SLC9A9: variants seen among roughly 807,000 people sequenced by gnomAD.
The protein encoded by SLC9A9 is solute carrier family 9 member A9.
A neutral mutation model predicts 77.8 loss-of-function variants in SLC9A9; 62 were observed. That is an observed-to-expected ratio of 0.80 (90% confidence interval 0.65 to 0.98). SLC9A9 has a LOEUF of 0.98. Ranked by LOEUF, SLC9A9 falls within the 50% of genes least tolerant of loss-of-function variation. SLC9A9 has a pLI of 0.00. For missense variants in SLC9A9, 775 were observed against 774.9 expected, an observed-to-expected ratio of 1.00 and a Z score of 0.00; for synonymous variants, 320 against 283.5, an observed-to-expected ratio of 1.13 and a Z score of -1.29.
intron 4 of SLC9A9, among the ~76,000 whole-genome samples, chr3:143,723,241 A>C (rs531125382): frequency 6.6e-6 from 1 of 152,128 alleles, no homozygotes; most frequent in Non-Finnish European, 1.5e-5. Flanking sequence ...AAATCAACAA[A>C]CCAATAAGCA....
At chr3:143,406,660 A>G (rs952009572) in intron 12 of SLC9A9, among the ~76,000 whole-genome samples, 1 of 152,150 alleles carries the variant, frequency 6.6e-6, no homozygotes, top group African/African-American at 2.4e-5. Flanking sequence ...ATCATTACTC[A>G]TTATTCCCAA....
chr3:143,450,957 A>G (rs2108556055), intron 12 of SLC9A9, among the ~76,000 whole-genome samples: 1 of 152,310 alleles, frequency 6.6e-6, no homozygotes, highest in African/African-American at 2.4e-5. Flanking sequence ...ATGCCGGAGA[A>G]GAAGAGAGAA....
chr3:143,312,743 T>G (rs893497687), intron 14 of SLC9A9, among the ~76,000 whole-genome samples: 1 of 152,226 alleles, frequency 6.6e-6, no homozygotes, highest in Non-Finnish European at 1.5e-5. Flanking sequence ...TCAGCACAGC[T>G]GATCACTATT....
chr3:143,449,020 TA>T lies in SLC9A9; in HGVS notation c.1469+18016del, dbSNP rs374513229. ...TATATAATTATATAAAATATAATTATAATTATATAATTATATAAAATATAAT... is the reference window on the plus strand; with the variant it reads ...TATATAATTATATAAAATATAATTATATTATATAATTATATAAAATATAAT... On this transcript the variant is annotated intron_variant, in intron 12 of 15. Coordinates refer to ENST00000316549, the MANE Select transcript of SLC9A9 (RefSeq NM_173653.4). 6.0e-3 allele frequency among the ~76,000 whole-genome samples: 27 copies of T among 4,476 alleles called. 11 individuals carry two copies. The highest frequency in any genetic ancestry group is 0.048 in the African/African-American group (25 of 522). 2.9% of individuals were successfully genotyped at this position (4,476 alleles called of 152,430 possible). A position where few individuals can be genotyped will look rare whatever the true frequency, so the allele number is the denominator to read the frequency against.
At chr3:143,838,786 A>G (rs2009636731) in intron 1 of SLC9A9, among the ~76,000 whole-genome samples, 1 of 152,228 alleles carries the variant, frequency 6.6e-6, no homozygotes. Context: ...AGGGATTCAA[A>G]TGTGAGCATA....
At chr3:143,294,321 C>T (rs887271716) in intron 14 of SLC9A9, among the ~76,000 whole-genome samples, 25 of 152,146 alleles carry the variant, frequency 1.6e-4, no homozygotes, top group African/African-American at 5.6e-4. Context: ...GAAGGGGGAG[C>T]GGTTTAGGAG....
At chr3:143,593,032 T>C (rs566304873) in intron 6 of SLC9A9, among the ~76,000 whole-genome samples, 3 of 152,268 alleles carry the variant, frequency 2.0e-5, no homozygotes, top group Admixed American at 6.5e-5. Context: ...GGAATGCATA[T>C]TCCTTTGTCT....
At chr3:143,368,581 A>C (rs956607313) in intron 13 of SLC9A9, among the ~76,000 whole-genome samples, 21 of 152,320 alleles carry the variant, frequency 1.4e-4, no homozygotes, top group Non-Finnish European at 2.4e-4. Context: ...ATTCAATATT[A>C]ATGTCAGTGG....
chr3:143,834,422 TA>T (rs768336531), intron 1 of SLC9A9, among the ~76,000 whole-genome samples: 1 of 152,144 alleles, frequency 6.6e-6, no homozygotes, highest in South Asian at 2.1e-4. Flanking sequence ...ATTTAATTCC[TA>T]AAAGTTATTC....
At chr3:143,577,323 T>G (rs2037375270) in intron 7 of SLC9A9, among the ~76,000 whole-genome samples, 1 of 152,122 alleles carries the variant, frequency 6.6e-6, no homozygotes, top group Admixed American at 6.6e-5. Context: ...GCCACATTGG[T>G]CCCACTGCCA....
chr3:143,677,522 G>A (rs1409739980), intron 5 of SLC9A9, among the ~76,000 whole-genome samples: 1 of 152,128 alleles, frequency 6.6e-6, no homozygotes, highest in Admixed American at 6.5e-5. Context: ...AGCCTCCCAG[G>A]AGTCAGATTG....
At chr3:143,635,115 A>G (rs948554408) in intron 6 of SLC9A9, among the ~76,000 whole-genome samples, 6 of 152,166 alleles carry the variant, frequency 3.9e-5, no homozygotes, top group Non-Finnish European at 8.8e-5. Context: ...TCCACGTGGT[A>G]TCAGCTGGGG....
At chr3:143,505,358 T>C (rs563787186) in intron 9 of SLC9A9, among the ~76,000 whole-genome samples, 4 of 152,316 alleles carry the variant, frequency 2.6e-5, no homozygotes, top group African/African-American at 9.6e-5. Context: ...TGCCCTACAG[T>C]AACATGATAA....
chr3:143,415,309 C>T (rs546554384), intron 12 of SLC9A9, among the ~76,000 whole-genome samples: 29 of 152,272 alleles, frequency 1.9e-4, no homozygotes, highest in African/African-American at 3.1e-4. Flanking sequence ...AACGGTCTTA[C>T]GTTGGAAAAA....
At chr3:143,495,817 A>T (rs973456688) in intron 9 of SLC9A9, among the ~76,000 whole-genome samples, 1 of 152,238 alleles carries the variant, frequency 6.6e-6, no homozygotes, top group African/African-American at 2.4e-5. Context: ...AAGATTGTTT[A>T]ACCTCTGTGC....
At chr3:143,632,639 A>C (rs1171997087) in intron 6 of SLC9A9, among the ~76,000 whole-genome samples, 1 of 152,210 alleles carries the variant, frequency 6.6e-6, no homozygotes, top group Non-Finnish European at 1.5e-5. Flanking sequence ...ATATAAATTG[A>C]ATACCTCTTG....
At chr3:143,640,359 C>T (rs1576628190) in intron 6 of SLC9A9, among the ~76,000 whole-genome samples, 1 of 152,072 alleles carries the variant, frequency 6.6e-6, no homozygotes, top group African/African-American at 2.4e-5. Flanking sequence ...ACCTTGGTTC[C>T]ACTTCTGCCT....
At chr3:143,549,876 T>C (rs932973531) in intron 9 of SLC9A9, among the ~76,000 whole-genome samples, 1 of 152,194 alleles carries the variant, frequency 6.6e-6, no homozygotes, top group Admixed American at 6.5e-5. Flanking sequence ...GCCCAAGACA[T>C]TTCCCTTTAA....
chr3:143,547,055 G>C (rs2036803008), intron 9 of SLC9A9, among the ~76,000 whole-genome samples: 1 of 152,122 alleles, frequency 6.6e-6, no homozygotes, highest in Non-Finnish European at 1.5e-5. Flanking sequence ...AATTCATTAT[G>C]CTCCTTGAGA....
Sources: gnomAD v4.1 joint callset for allele counts (sites outside exome capture counted in the v4.1 genomes callset) on GRCh38, gnomAD v4.1.1 for gene constraint, MANE v1.5 for transcripts, NCBI Gene and HGNC (gene_info 2026-07-23, HGNC 2026-07-21) for gene names.